The following SYT13 variants were observed in gnomAD, a reference collection of about 807,000 sequenced individuals.
The protein encoded by SYT13 is synaptotagmin 13, also known as synaptotagmin-13.
SYT13 carries 21 observed loss-of-function variants against 38.6 expected under a neutral mutation model. The ratio of observed to expected loss-of-function variants is 0.54; its 90% confidence interval spans 0.39 to 0.78. SYT13 has a LOEUF of 0.78. Ranked by LOEUF, SYT13 falls within the 30% of genes least tolerant of loss-of-function variation. The pLI is 0.00. For synonymous variants in SYT13, 241 were observed against 237.6 expected, an observed-to-expected ratio of 1.01 and a Z score of -0.13; for missense variants, 495 against 548.7, an observed-to-expected ratio of 0.90 and a Z score of 0.98.
At chr11:45,260,088 G>A (rs1037672912) in intron 1 of SYT13, among the ~76,000 whole-genome samples, 1 of 152,212 alleles carries the variant, frequency 6.6e-6, no homozygotes, top group Non-Finnish European at 1.5e-5. Flanking sequence ...CCCTGGTGTA[G>A]AGAAACTGGG....
intron 1 of SYT13, chr11:45,258,272 C>T (rs1008532418): frequency 6.6e-6 from 1 of 152,226 alleles, no homozygotes; most frequent in Non-Finnish European, 1.5e-5. Context: ...ACACAGCAAC[C>T]AGTCACCCTG....
intron 1 of SYT13, among the ~76,000 whole-genome samples, chr11:45,274,817 G>A (rs1395926346): frequency 6.6e-6 from 1 of 152,168 alleles, no homozygotes; most frequent in Non-Finnish European, 1.5e-5. Flanking sequence ...ACATCGTGCT[G>A]TTCTTACCAG....
rs752434675 is a variant in SYT13 at position 45,262,770 on chromosome 11, A to ACACACACAC, written c.184-6880_184-6879insGTGTGTGTG. 1.5e-3 allele frequency among the ~76,000 whole-genome samples: 117 copies of ACACACACAC among 75,792 alleles called. 2 individuals are homozygous for ACACACACAC. The highest frequency in any genetic ancestry group is 2.1e-3 in the Admixed American group (15 of 7,220). The allele number at this position is 75,792 out of a possible 152,430, so 49.7% of individuals were successfully genotyped here. On this transcript the variant is annotated intron_variant, in intron 1 of 5. Coordinates refer to ENST00000020926, the MANE Select transcript of SYT13 (RefSeq NM_020826.3). ...ACACACACACACACACACACACACA[A>ACACACACAC]ATTGAACTGTACACTTAAAAATGGT...
rs370466490 is a variant in SYT13, at chr11:45,252,565, G to A, written c.702C>T (p.Leu234=). The A allele has an allele frequency of 6.2e-7, 1 of 1,614,132 alleles. No individual in the cohort carries two copies. The highest frequency in any genetic ancestry group is 8.5e-7 in the Non-Finnish European group (1 of 1,180,042). ...AGGTCAGCGTCAGGGTGGCTGTGGG[G>A]AGCTCCTCCTCCGCCAGGGGGAGCA... ...GLVLPLAEEE[L]PTATLTLTLR... is the part of the protein sequence containing the mutation. Residue 234 remains leucine, a synonymous_variant, in exon 4 of 6, where the codon CTC becomes CTT. Transcript: ENST00000020926. This position sits in a 1 kb window ranked among gnomAD's most constrained non-coding sequence, Gnocchi z 4.3.
Position 45,240,851 on chromosome 11 carries a change from T to C in SYT13, c.*3201A>G, listed in dbSNP as rs1437904767. The C allele has an allele frequency of 6.6e-6, 1 of 152,238 alleles. No homozygotes were observed. The highest frequency in any genetic ancestry group is 2.4e-5 in the African/African-American group (1 of 41,458). 9.4% of individuals were successfully genotyped at this position (152,238 alleles called of 1,614,324 possible). ...CTCTACCTCACACCCTTTTTAGAAATGCTCACTGGCATCACACAAGGTGTT... is the reference window on the plus strand; with the variant it reads ...CTCTACCTCACACCCTTTTTAGAAACGCTCACTGGCATCACACAAGGTGTT... On this transcript the variant is annotated 3_prime_UTR_variant, in exon 6 of 6. Transcript: ENST00000020926.
intron 1 of SYT13, among the ~76,000 whole-genome samples, chr11:45,271,854 A>T (rs1854953802): frequency 6.6e-6 from 1 of 152,106 alleles, no homozygotes; most frequent in South Asian, 2.1e-4. Context: ...CTTCAACTAT[A>T]ACTTCTCAGG....
At chr11:45,277,348 C>T (rs1307207141) in intron 1 of SYT13, among the ~76,000 whole-genome samples, 1 of 152,124 alleles carries the variant, frequency 6.6e-6, no homozygotes, top group East Asian at 1.9e-4. Context: ...GGCATTGATC[C>T]TACACTTTAA....
intron 1 of SYT13, among the ~76,000 whole-genome samples, chr11:45,256,820 A>G (rs527577547): frequency 6.6e-6 from 1 of 152,292 alleles, no homozygotes; most frequent in African/African-American, 2.4e-5. Context: ...CATCGGAAAT[A>G]TTTATCATCT....
At chr11:45,255,927 G>T in intron 1 of SYT13, 36 bp from the exon 2 acceptor site, 1 of 1,604,832 alleles carries the variant, frequency 6.2e-7, no homozygotes, top group South Asian at 1.1e-5. Flanking sequence ...GTCCACAAAG[G>T]AGCCCTCTTG....
intron 1 of SYT13, among the ~76,000 whole-genome samples, chr11:45,281,962 C>T (rs1173451315): frequency 2.0e-5 from 3 of 152,198 alleles, no homozygotes; most frequent in Non-Finnish European, 4.4e-5. Flanking sequence ...TTCTTACTCC[C>T]AATTCTTTAG....
chr11:45,259,208 C>T (rs1590517230), intron 1 of SYT13, among the ~76,000 whole-genome samples: 1 of 152,158 alleles, frequency 6.6e-6, no homozygotes, highest in African/African-American at 2.4e-5. Flanking sequence ...GCTGCTGGGC[C>T]TCAGCACACA....
Position 45,240,910 on chromosome 11 carries a change from T to C in SYT13, c.*3142A>G, listed in dbSNP as rs1565369930. On this transcript the variant is annotated 3_prime_UTR_variant, in exon 6 of 6. Coordinates refer to ENST00000020926, the MANE Select transcript of SYT13 (RefSeq NM_020826.3). ...AAATGATGAGATACTTCACACAGGC[T>C]CAGTTACTATAATTTGATAGTAAAT... 2 of 152,238 alleles carry C rather than the reference T, an allele frequency of 1.3e-5. No individual in the cohort carries two copies. Among genetic ancestry groups the C allele is most frequent in the African/African-American group, 4.8e-5 (2 of 41,456 alleles). The allele number at this position is 152,238 out of a possible 1,614,324, so 9.4% of individuals were successfully genotyped here.
chr11:45,248,375 A>G (rs1854637735), intron 4 of SYT13, among the ~76,000 whole-genome samples: 1 of 152,234 alleles, frequency 6.6e-6, no homozygotes, highest in African/African-American at 2.4e-5. Flanking sequence ...AACACATTCC[A>G]TTTATAATCT....
intron 1 of SYT13, among the ~76,000 whole-genome samples, chr11:45,275,553 C>T (rs770676841): frequency 5.9e-5 from 9 of 152,142 alleles, no homozygotes; most frequent in Non-Finnish European, 1.3e-4. Flanking sequence ...AATCAACTTC[C>T]CCAAATATCA....
intron 1 of SYT13, among the ~76,000 whole-genome samples, chr11:45,260,026 G>A (rs1305243647): frequency 1.3e-5 from 2 of 152,212 alleles, no homozygotes; most frequent in Admixed American, 1.3e-4. Context: ...TTGCAGCCAA[G>A]AGCATCCCAA....
intron 1 of SYT13, among the ~76,000 whole-genome samples, chr11:45,273,672 A>G (rs1854976783): frequency 6.6e-6 from 1 of 152,250 alleles, no homozygotes; most frequent in Non-Finnish European, 1.5e-5. Flanking sequence ...TTGTCACTGC[A>G]CTGTCCCGAG....
intron 1 of SYT13, among the ~76,000 whole-genome samples, chr11:45,278,769 A>T (rs2135910799): frequency 6.6e-6 from 1 of 152,330 alleles, no homozygotes; most frequent in East Asian, 1.9e-4. Flanking sequence ...TGGAAAAAAG[A>T]CTGAGGGACA....
chr11:45,260,806 G>T (rs982395790), intron 1 of SYT13, among the ~76,000 whole-genome samples: 2 of 152,114 alleles, frequency 1.3e-5, no homozygotes, highest in African/African-American at 4.8e-5. Context: ...CCTGTCCCTG[G>T]GACCTTTGGC....
intron 1 of SYT13, 56 bp from the exon 2 acceptor site, chr11:45,255,947 C>T: frequency 6.3e-7 from 1 of 1,578,466 alleles, no homozygotes; most frequent in Non-Finnish European, 8.7e-7. Flanking sequence ...GTCTGTTTCC[C>T]CCCATGGAAG....
Sources: allele counts gnomAD v4.1 joint callset (sites outside exome capture counted in the v4.1 genomes callset), GRCh38; gene constraint gnomAD v4.1.1; non-coding constraint Gnocchi (gnomAD v3.1); transcripts MANE v1.5; gene names NCBI Gene and HGNC (gene_info 2026-07-23, HGNC 2026-07-21).